TTC28: variants seen among roughly 807,000 people sequenced by gnomAD.
TTC28 encodes the protein tetratricopeptide repeat protein 28.
In TTC28, 61 loss-of-function variants were observed where a neutral mutation model predicts 198.0. The observed-to-expected ratio is 0.31, with a 90% confidence interval of 0.25 to 0.38. TTC28 has a LOEUF of 0.38. Ranked by LOEUF, TTC28 falls within the 10% of genes least tolerant of loss-of-function variation. TTC28 has a pLI of 1.00. For synonymous variants in TTC28, 1,171 were observed against 1,297.8 expected, an observed-to-expected ratio of 0.90 and a Z score of 2.10; for missense variants, 2,678 against 3,164.0, an observed-to-expected ratio of 0.85 and a Z score of 3.69.
chr22:28,357,312 C>CTTTT (rs1391424764), intron 2 of TTC28, among the ~76,000 whole-genome samples: 1 of 110,056 alleles, frequency 9.1e-6, no homozygotes, highest in African/African-American at 3.6e-5. Flanking sequence ...TATCAAATTT[C>CTTTT]TTATTTTTTT....
intron 5 of TTC28, among the ~76,000 whole-genome samples, chr22:28,186,004 G>A (rs947421258): frequency 2.6e-5 from 4 of 152,054 alleles, no homozygotes; most frequent in Non-Finnish European, 4.4e-5. Context: ...TCTCTAAAAG[G>A]ACTCTATTAG....
chr22:28,259,785 A>G (rs1209010189), intron 5 of TTC28, among the ~76,000 whole-genome samples: 1 of 152,142 alleles, frequency 6.6e-6, no homozygotes. Context: ...TTTGCCTTTA[A>G]AAGTGTTGTG....
chr22:28,343,547 T>C (rs939936804), intron 2 of TTC28, among the ~76,000 whole-genome samples: 1 of 151,654 alleles, frequency 6.6e-6, no homozygotes, highest in African/African-American at 2.4e-5. Context: ...AAAAAAAGCT[T>C]CTGATACAAA....
chr22:28,650,509 G>C (rs112260414), intron 1 of TTC28, among the ~76,000 whole-genome samples: 4 of 152,212 alleles, frequency 2.6e-5, no homozygotes, highest in African/African-American at 7.2e-5. Flanking sequence ...CAATATGCTA[G>C]AATCAGGGAT....
chr22:28,184,774 C>T (rs1569184189), intron 5 of TTC28, among the ~76,000 whole-genome samples: 3 of 151,536 alleles, frequency 2.0e-5, no homozygotes, highest in Non-Finnish European at 2.9e-5. Flanking sequence ...AAAATGAATA[C>T]TAAAAATATG....
chr22:28,593,123 C>G (rs1434367384), intron 2 of TTC28, among the ~76,000 whole-genome samples: 1 of 148,776 alleles, frequency 6.7e-6, no homozygotes, highest in Non-Finnish European at 1.5e-5. Flanking sequence ...AAATATAGCC[C>G]TAAATATATG....
At chr22:28,061,938 G>A (rs111733339) in intron 12 of TTC28, among the ~76,000 whole-genome samples, 2 of 151,992 alleles carry the variant, frequency 1.3e-5, no homozygotes, top group African/African-American at 4.8e-5. Flanking sequence ...CTTCACATCC[G>A]TTGTAAGTTG....
Position 28,085,794 on chromosome 22 carries a change from T to C in TTC28, c.3932+8286A>G, listed in dbSNP as rs190288126. 2.9e-3 allele frequency among the ~76,000 whole-genome samples: 434 copies of C among 151,700 alleles called. 2 individuals carry two copies. The highest frequency in any genetic ancestry group is 9.9e-3 in the African/African-American group (411 of 41,376). ...CTCACGTGCAGAGACACACATAGGC[T>C]CAAAATAAAAGGATGGAGGAACATC... On this transcript the variant is annotated intron_variant, in intron 12 of 22. Transcript: ENST00000397906.
intron 5 of TTC28, among the ~76,000 whole-genome samples, chr22:28,196,512 T>C (rs1045997691): frequency 2.0e-5 from 3 of 152,018 alleles, no homozygotes; most frequent in Non-Finnish European, 4.4e-5. Flanking sequence ...CCCTACAGAA[T>C]GGGAGAAAAT....
At chr22:28,040,035 A>T (rs1264638908) in intron 12 of TTC28, among the ~76,000 whole-genome samples, 1 of 152,218 alleles carries the variant, frequency 6.6e-6, no homozygotes, top group Non-Finnish European at 1.5e-5. Context: ...AGACTAAACC[A>T]GGAAGAAGTT....
chr22:28,304,967 A>ATTT (rs2045107462), intron 3 of TTC28, among the ~76,000 whole-genome samples: 1 of 143,690 alleles, frequency 7.0e-6, no homozygotes, highest in African/African-American at 2.6e-5. Context: ...GAGTTTGTTT[A>ATTT]TTTATTATTT....
intron 8 of TTC28, 25 bp downstream of exon 8, chr22:28,105,254 G>A (rs1322065489): frequency 1.3e-6 from 2 of 1,542,084 alleles, no homozygotes; most frequent in African/African-American, 1.4e-5. Context: ...TAGGCCAAGA[G>A]AACACAATGG....
intron 2 of TTC28, among the ~76,000 whole-genome samples, chr22:28,360,677 A>C (rs1461403276): frequency 6.6e-6 from 1 of 152,194 alleles, no homozygotes; most frequent in Non-Finnish European, 1.5e-5. Flanking sequence ...AAAATTGGAA[A>C]ACAAGGCCAT....
intron 12 of TTC28, among the ~76,000 whole-genome samples, chr22:28,063,913 T>C (rs1569115576): frequency 6.6e-6 from 1 of 152,104 alleles, no homozygotes; most frequent in Non-Finnish European, 1.5e-5. Flanking sequence ...TGAGGACCCA[T>C]GAAGAAATTA....
intron 12 of TTC28, among the ~76,000 whole-genome samples, chr22:28,054,829 T>C (rs1202662069): frequency 1.3e-5 from 2 of 152,242 alleles, no homozygotes; most frequent in Non-Finnish European, 2.9e-5. Context: ...GCTTTGAACA[T>C]ACAAATCCTT....
intron 2 of TTC28, among the ~76,000 whole-genome samples, chr22:28,428,235 A>G (rs2047379543): frequency 6.6e-6 from 1 of 152,190 alleles, no homozygotes; most frequent in Admixed American, 6.5e-5. Context: ...AGTATTTCAG[A>G]GAAAATCAAG....
chr22:28,360,766 A>T (rs972133106), intron 2 of TTC28, among the ~76,000 whole-genome samples: 2 of 152,182 alleles, frequency 1.3e-5, no homozygotes, highest in East Asian at 1.9e-4. Flanking sequence ...CATTTTTTAC[A>T]AATTGAAGTT....
At chr22:28,353,651 A>G (rs1234526833) in intron 2 of TTC28, among the ~76,000 whole-genome samples, 1 of 152,222 alleles carries the variant, frequency 6.6e-6, no homozygotes, top group Non-Finnish European at 1.5e-5. Context: ...ACCCACATGC[A>G]AAAGAATGAA....
At chr22:27,989,283 T>C (rs951682716) in intron 21 of TTC28, among the ~76,000 whole-genome samples, 1 of 152,198 alleles carries the variant, frequency 6.6e-6, no homozygotes, top group Non-Finnish European at 1.5e-5. Flanking sequence ...ATAGTACTGT[T>C]TTCCTGCCAG....
Sources: gnomAD v4.1 joint callset for allele counts (sites outside exome capture counted in the v4.1 genomes callset) on GRCh38, gnomAD v4.1.1 for gene constraint, MANE v1.5 for transcripts, NCBI Gene and HGNC (gene_info 2026-07-23, HGNC 2026-07-21) for gene names.